RCL1: variants seen among roughly 807,000 people sequenced by gnomAD.
RCL1 encodes the protein RNA terminal phosphate cyclase like 1.
In RCL1, 24 loss-of-function variants were observed where a neutral mutation model predicts 42.4. The observed-to-expected ratio is 0.57, with a 90% CI of 0.41 to 0.80. The LOEUF is 0.80. Among genes scored for constraint, RCL1 ranks in the 30% least tolerant of loss-of-function variants. The pLI is 0.00. For missense variants in RCL1, 578 were observed against 467.9 expected (o/e 1.24, Z -2.17); for synonymous variants, 228 against 177.3 (o/e 1.29, Z -2.27).
At chr9:4,855,926 C>T (rs1157206732) in intron 8 of RCL1, among the ~76,000 whole-genome samples, 2 of 152,196 alleles carry the variant, frequency 1.3e-5, no homozygotes, top group African/African-American at 4.8e-5. Context: ...AGATCAGAAG[C>T]AAGCTGAGGG....
intron 4 of RCL1, 69 bp downstream of exon 4, chr9:4,833,297 G>C: frequency 3.5e-6 from 4 of 1,143,286 alleles, no homozygotes; most frequent in Non-Finnish European, 5.3e-6. Flanking sequence ...CATTGGAAGA[G>C]CTGTGTGACT....
intron 1 of RCL1, among the ~76,000 whole-genome samples, chr9:4,802,536 T>C (rs17803569): frequency 0.045 from 6,916 of 152,256 alleles, 234 homozygotes; most frequent in East Asian, 0.097. Context: ...TGAAATATTA[T>C]AGGTTTATTT....
At chr9:4,824,296 C>T (rs1816687241) in intron 2 of RCL1, among the ~76,000 whole-genome samples, 1 of 151,920 alleles carries the variant, frequency 6.6e-6, no homozygotes, top group Non-Finnish European at 1.5e-5. Context: ...GCCACTGTCA[C>T]AGCATTTGCT....
intron 8 of RCL1, among the ~76,000 whole-genome samples, chr9:4,859,560 T>C (rs1299603316): frequency 2.0e-5 from 3 of 152,124 alleles, no homozygotes; most frequent in African/African-American, 7.2e-5. Context: ...TATTGGAGAA[T>C]GAAGGGAGGG....
intron 1 of RCL1, among the ~76,000 whole-genome samples, chr9:4,808,376 C>T (rs562474296): frequency 1.8e-4 from 27 of 151,538 alleles, no homozygotes; most frequent in Admixed American, 1.5e-3. Flanking sequence ...GGTGTGATCT[C>T]GCCTCATTGC....
chr9:4,860,568 C>G lies in RCL1; in HGVS notation c.*293C>G, dbSNP rs1397066222. The G allele has an allele frequency of 2.9e-6, 1 of 348,434 alleles. No individual in the cohort carries two copies. Among genetic ancestry groups the G allele is most frequent in the Non-Finnish European group, 5.1e-6 (1 of 194,448 alleles). The allele number at this position is 348,434 out of a possible 1,614,324, so 21.6% of individuals were successfully genotyped here. On this transcript the variant is annotated 3_prime_UTR_variant, in exon 9 of 9. Coordinates refer to ENST00000381750, the MANE Select transcript of RCL1 (RefSeq NM_005772.5). Reference sequence around the variant, plus strand: ...CACAGTCGTGCTGCTAGAACAGTCTCGTAGCTGCAGTTCAGCTGTGCTTCC... The same window carrying G: ...CACAGTCGTGCTGCTAGAACAGTCTGGTAGCTGCAGTTCAGCTGTGCTTCC...
At chr9:4,839,242 G>A (rs747019292) in intron 5 of RCL1, among the ~76,000 whole-genome samples, 16 of 152,162 alleles carry the variant, frequency 1.1e-4, no homozygotes, top group Non-Finnish European at 2.1e-4. Context: ...CCCTGAATTC[G>A]TACTGTTTGT....
chr9:4,815,114 A>G (rs1373353966), intron 1 of RCL1, among the ~76,000 whole-genome samples: 2 of 152,080 alleles, frequency 1.3e-5, no homozygotes, highest in East Asian at 3.9e-4. Flanking sequence ...GGTTGAATCT[A>G]TTTTGGAACC....
At chr9:4,851,585 A>G (rs1333666228) in intron 8 of RCL1, among the ~76,000 whole-genome samples, 1 of 152,248 alleles carries the variant, frequency 6.6e-6, no homozygotes, top group Admixed American at 6.5e-5. Flanking sequence ...GGTGAGGACC[A>G]TCATGGTGGG....
At chr9:4,844,720 A>C (rs1817453371) in intron 7 of RCL1, 39 bp downstream of exon 7, 4 of 1,582,358 alleles carry the variant, frequency 2.5e-6, no homozygotes, top group Non-Finnish European at 8.6e-7. Flanking sequence ...AGTGACCAGG[A>C]AGCAGTTTGT....
At chr9:4,853,597 A>C (rs749417869) in intron 8 of RCL1, among the ~76,000 whole-genome samples, 5 of 152,150 alleles carry the variant, frequency 3.3e-5, no homozygotes, top group Non-Finnish European at 7.4e-5. Context: ...CTGGGATTAC[A>C]GACGTGAGCC....
chr9:4,845,295 G>T (rs1305674033), intron 7 of RCL1, among the ~76,000 whole-genome samples: 1 of 152,194 alleles, frequency 6.6e-6, no homozygotes, highest in Non-Finnish European at 1.5e-5. Flanking sequence ...CTAAGAACAT[G>T]GAACAGAGAA....
rs1818123423 is a variant in RCL1, at chr9:4,860,233, T to C, written c.1080T>C (p.Cys360=). The C allele has an allele frequency of 6.2e-7, 1 of 1,613,674 alleles. No homozygotes were observed. The highest frequency in any genetic ancestry group is 1.3e-5 in the African/African-American group (1 of 74,934). Residue 360 remains cysteine, a synonymous_variant, in exon 9 of 9, where the codon TGT becomes TGC. Transcript: ENST00000381750. ...LKGGDKVLMT[C]VGIGFSNLSK... ...GTGGGGATAAAGTGCTGATGACCTGTGTTGGCATTGGTTTCTCCAACCTTA... is the reference window on the plus strand; with the variant it reads ...GTGGGGATAAAGTGCTGATGACCTGCGTTGGCATTGGTTTCTCCAACCTTA...
chr9:4,840,107 C>T (rs556012744), intron 5 of RCL1, among the ~76,000 whole-genome samples: 14 of 151,698 alleles, frequency 9.2e-5, no homozygotes, highest in Non-Finnish European at 1.8e-4. Context: ...GAAGATTGGT[C>T]TTTTAGTATG....
chr9:4,837,733 G>A (rs1468466607), intron 5 of RCL1, among the ~76,000 whole-genome samples: 1 of 152,130 alleles, frequency 6.6e-6, no homozygotes, highest in Non-Finnish European at 1.5e-5. Context: ...CGGGCACCTT[G>A]GGTGTAACTA....
intron 5 of RCL1, chr9:4,839,578 A>G (rs1194236574): frequency 1.8e-5 from 14 of 785,602 alleles, no homozygotes; most frequent in Non-Finnish European, 2.2e-5. Context: ...TATGAGATTC[A>G]GGACTGTTTG....
intron 2 of RCL1, among the ~76,000 whole-genome samples, chr9:4,825,983 A>C (rs1270322178): frequency 1.3e-5 from 2 of 151,946 alleles, no homozygotes; most frequent in Non-Finnish European, 2.9e-5. Context: ...GGGTCTCAGC[A>C]CTTTGGGAGG....
Position 4,793,084 on chromosome 9 carries a change from G to A in RCL1, c.-8G>A. 1.2e-6 allele frequency: 2 copies of A among 1,607,574 alleles called. No homozygotes were observed. Among genetic ancestry groups the A allele is most frequent in the Non-Finnish European group, 1.7e-6 (2 of 1,177,320 alleles). On this transcript the variant is annotated 5_prime_UTR_variant, in exon 1 of 9. Transcript: ENST00000381750. The stretch of plus-strand genomic sequence containing the variant: ...CGGGCTGCTCACGTCTCTTCGGAGA[G>A]CGCGCACATGGCGACTCAGGCGCAC...
At chr9:4,825,152 G>C (rs140475723) in intron 2 of RCL1, among the ~76,000 whole-genome samples, 11 of 151,804 alleles carry the variant, frequency 7.2e-5, no homozygotes, top group Admixed American at 6.6e-4. Context: ...CAAAGTGTTG[G>C]GATTACAGGC....
Sources: allele counts gnomAD v4.1 joint callset (sites outside exome capture counted in the v4.1 genomes callset), GRCh38; gene constraint gnomAD v4.1.1; transcripts MANE v1.5; gene names NCBI Gene and HGNC (gene_info 2026-07-23, HGNC 2026-07-21).